EDN3: variants seen among roughly 807,000 people sequenced by gnomAD.
The protein encoded by EDN3 is endothelin-3.
In EDN3, 9 loss-of-function variants were observed where a neutral mutation model predicts 21.4. That is an observed-to-expected ratio of 0.42 (90% CI 0.25 to 0.73). The LOEUF is 0.73. EDN3 is among the 30% of genes least tolerant of loss of function. EDN3 has a pLI of 0.26. For synonymous variants in EDN3, 133 were observed against 126.2 expected (o/e 1.05, Z -0.36); for missense variants, 327 against 309.4 (o/e 1.06, Z -0.43).
At chr20:59,317,725 A>T (rs1990273297) in intron 2 of EDN3, among the ~76,000 whole-genome samples, 1 of 152,150 alleles carries the variant, frequency 6.6e-6, no homozygotes, top group Non-Finnish European at 1.5e-5. Context: ...GATGCTGAAG[A>T]ATGTTGGAGA....
chr20:59,318,305 C>T (rs1990311860), intron 2 of EDN3, among the ~76,000 whole-genome samples: 1 of 152,208 alleles, frequency 6.6e-6, no homozygotes, highest in Non-Finnish European at 1.5e-5. Flanking sequence ...GGTACTGGGC[C>T]TCCACCACAT....
chr20:59,311,253 C>T (rs553906039), intron 2 of EDN3, among the ~76,000 whole-genome samples: 190 of 152,098 alleles, frequency 1.2e-3, no homozygotes, highest in Non-Finnish European at 1.9e-3. Flanking sequence ...AAAGGGGTCC[C>T]GATCCAGACC....
At position 59,301,659 on chromosome 20, in the gene EDN3, C is replaced by T. The variant is rs746771631; in HGVS notation, c.302C>T (p.Thr101Ile). ...HHRSRRCTCF[T>I]YKDKECVYYC... ...CGATCCAGGCGCTGCACGTGCTTCA[C>T]CTACAAGGACAAGGAGTGTGTCTAC... The change falls in exon 2 of 5, where the codon ACC becomes ATC. Residue 101 changes from threonine to isoleucine, a missense_variant. Coordinates refer to ENST00000337938, the MANE Select transcript of EDN3 (RefSeq NM_207034.3). 1 of 1,614,222 alleles carries T rather than the reference C, an allele frequency of 6.2e-7. No homozygotes were observed. The highest frequency in any genetic ancestry group is 1.7e-5 in the Admixed American group (1 of 60,036).
chr20:59,300,767 A>G lies in EDN3; in HGVS notation c.-46A>G, dbSNP rs890875302. The G allele has an allele frequency of 5.0e-6, 8 of 1,590,942 alleles. No individual in the cohort carries two copies. Among genetic ancestry groups the G allele is most frequent in the Admixed American group, 1.7e-5 (1 of 57,788 alleles). On this transcript the variant is annotated 5_prime_UTR_variant, in exon 1 of 5. Transcript: ENST00000337938. ...GCCCCAGTGCCCTTTCGCGGCCACA[A>G]GCGGCCGTCCTCCTGGTCCGGTGCT...
In EDN3 at chr20:59,325,920, G is replaced by A. The variant is rs1452967674; in HGVS notation, c.*1461G>A. 1 of 152,242 alleles carries A rather than the reference G, an allele frequency of 6.6e-6. No individual in the cohort carries two copies. The highest frequency in any genetic ancestry group is 1.5e-5 in the Non-Finnish European group (1 of 68,044). 9.4% of individuals were successfully genotyped at this position (152,242 alleles called of 1,614,324 possible). A position where few individuals can be genotyped will look rare whatever the true frequency, so the allele number is the denominator to read the frequency against. ...CACCGTGGCAAGATGGTATCAGAGA[G>A]AAACCCATCAATTGCTCAAATACTC... is the stretch of plus-strand genomic sequence containing the variant. On this transcript the variant is annotated 3_prime_UTR_variant, in exon 5 of 5. Coordinates refer to ENST00000337938, the MANE Select transcript of EDN3 (RefSeq NM_207034.3).
rs553876011 is a variant in EDN3 at position 59,324,552 on chromosome 20, T to A, written c.*93T>A. On this transcript the variant is annotated 3_prime_UTR_variant, in exon 5 of 5. Coordinates refer to ENST00000337938, the MANE Select transcript of EDN3 (RefSeq NM_207034.3). Reference sequence around the variant, plus strand: ...CACCTCTTTATAGACAAGAAGTGAATTTGCCTGGGGCAGAACACCCACCCA... The same window carrying A: ...CACCTCTTTATAGACAAGAAGTGAAATTGCCTGGGGCAGAACACCCACCCA... The A allele has an allele frequency of 4.3e-5, 68 of 1,583,480 alleles. No individual in the cohort carries two copies. The African/African-American group carries it at 8.5e-4, about 20-fold the overall frequency.
At chr20:59,312,365 A>AT (rs796864504) in intron 2 of EDN3, among the ~76,000 whole-genome samples, 237 of 149,786 alleles carry the variant, frequency 1.6e-3, no homozygotes, top group Middle Eastern at 7.0e-3. Context: ...TGTTTCTCTA[A>AT]TTTTTTTTTT....
At chr20:59,307,012 G>A (rs1328825735) in intron 2 of EDN3, among the ~76,000 whole-genome samples, 1 of 152,234 alleles carries the variant, frequency 6.6e-6, no homozygotes, top group Admixed American at 6.5e-5. Context: ...AGGCATGGTG[G>A]CATGTGCCTG....
rs1600724195 is a variant in EDN3 at position 59,305,227 on chromosome 20, A to C, written c.365+3505A>C. ...ATTAGCCTTTCCTTGGCTGTCCCCC[A>C]CAGTCCCCAAGCCATCCCACCACTG... On this transcript the variant is annotated intron_variant, in intron 2 of 4. Transcript: ENST00000337938. This position sits in a 1 kb window ranked among gnomAD's most constrained non-coding sequence, Gnocchi z 4.2. 6.6e-6 allele frequency among the ~76,000 whole-genome samples: 1 copy of C among 152,200 alleles called. No homozygotes were observed. Among genetic ancestry groups the C allele is most frequent in the Non-Finnish European group, 1.5e-5 (1 of 68,034 alleles).
intron 2 of EDN3, among the ~76,000 whole-genome samples, chr20:59,312,239 G>A (rs549037398): frequency 5.3e-5 from 8 of 152,114 alleles, no homozygotes; most frequent in Non-Finnish European, 1.0e-4. Context: ...ACTGGGGGCT[G>A]GGGAGAGAAA....
rs1018510705 is a variant in EDN3 at position 59,300,783 on chromosome 20, G to C, written c.-30G>C. 1 of 1,603,534 alleles carries C rather than the reference G, an allele frequency of 6.2e-7. No individual in the cohort carries two copies. The highest frequency in any genetic ancestry group is 8.5e-7 in the Non-Finnish European group (1 of 1,176,542). ...GCGGCCACAAGCGGCCGTCCTCCTG[G>C]TCCGGTGCTCCGGCGCCTGATCTAG... On this transcript the variant is annotated 5_prime_UTR_variant, in exon 1 of 5. Transcript: ENST00000337938.
At position 59,300,751 on chromosome 20, in the gene EDN3, C is replaced by T. The variant is rs1364036673; in HGVS notation, c.-62C>T. On this transcript the variant is annotated 5_prime_UTR_variant, in exon 1 of 5. Coordinates refer to ENST00000337938, the MANE Select transcript of EDN3 (RefSeq NM_207034.3). ...AGGCCAGCTGTACCCGGCCCCAGTGCCCTTTCGCGGCCACAAGCGGCCGTC... is the reference window on the plus strand; with the variant it reads ...AGGCCAGCTGTACCCGGCCCCAGTGTCCTTTCGCGGCCACAAGCGGCCGTC... 3.8e-6 allele frequency: 6 copies of T among 1,560,050 alleles called. No individual in the cohort carries two copies. Among genetic ancestry groups the T allele is most frequent in the Non-Finnish European group, 4.3e-6 (5 of 1,149,444 alleles).
At position 59,324,600 on chromosome 20, in the gene EDN3, C is replaced by G. The variant is rs1469810032; in HGVS notation, c.*141C>G. 3.3e-6 allele frequency: 3 copies of G among 900,236 alleles called. No homozygotes were observed. The highest frequency in any genetic ancestry group is 4.7e-6 in the Non-Finnish European group (3 of 639,458). 55.8% of individuals were successfully genotyped at this position (900,236 alleles called of 1,614,324 possible). On this transcript the variant is annotated 3_prime_UTR_variant, in exon 5 of 5. Coordinates refer to ENST00000337938, the MANE Select transcript of EDN3 (RefSeq NM_207034.3). ...CCAAAGAGTCCCCACTTAACAATACCCCCCCCCCACGGCAAGAATGCCCAA... is the reference window on the plus strand; with the variant it reads ...CCAAAGAGTCCCCACTTAACAATACGCCCCCCCCACGGCAAGAATGCCCAA...
chr20:59,316,571 G>C (rs1257619860), intron 2 of EDN3, among the ~76,000 whole-genome samples: 1 of 152,196 alleles, frequency 6.6e-6, no homozygotes, highest in East Asian at 1.9e-4. Context: ...AGGCAACACG[G>C]AACTTAAAAA....
At chr20:59,320,437 C>T (rs965146179) in intron 2 of EDN3, among the ~76,000 whole-genome samples, 5 of 152,254 alleles carry the variant, frequency 3.3e-5, no homozygotes, top group Admixed American at 1.3e-4. Flanking sequence ...CAGACCAGCA[C>T]GTAGGTTGCC....
In EDN3 at chr20:59,305,236, A is replaced by T. The variant is rs1989324871; in HGVS notation, c.365+3514A>T. 6.6e-6 allele frequency among the ~76,000 whole-genome samples: 1 copy of T among 152,220 alleles called. No homozygotes were observed. Among genetic ancestry groups the T allele is most frequent in the Non-Finnish European group, 1.5e-5 (1 of 68,038 alleles). ...TCCTTGGCTGTCCCCCACAGTCCCC[A>T]AGCCATCCCACCACTGCCAACAAAA... On this transcript the variant is annotated intron_variant, in intron 2 of 4. Coordinates refer to ENST00000337938, the MANE Select transcript of EDN3 (RefSeq NM_207034.3). This position sits in a 1 kb window ranked among gnomAD's most constrained non-coding sequence, Gnocchi z 4.2.
chr20:59,306,595 T>TGA (rs1181766828), intron 2 of EDN3, among the ~76,000 whole-genome samples: 4 of 62,452 alleles, frequency 6.4e-5, no homozygotes, highest in African/African-American at 2.5e-4. Flanking sequence ...GCATAAAGAG[T>TGA]AAAAAAAAAA....
chr20:59,323,245 C>T (rs561686303), intron 4 of EDN3, among the ~76,000 whole-genome samples: 11 of 152,184 alleles, frequency 7.2e-5, no homozygotes, highest in South Asian at 4.1e-4. Context: ...GGAGGAGGGC[C>T]GAGGCGGAAG....
intron 1 of EDN3, 22 bp from the exon 2 acceptor site, chr20:59,301,388 C>G: frequency 6.2e-7 from 1 of 1,603,964 alleles, no homozygotes; most frequent in Non-Finnish European, 8.5e-7. Context: ...AGCTTAGGAG[C>G]CCCTCAATCT....
Sources: gnomAD v4.1 joint callset for allele counts (sites outside exome capture counted in the v4.1 genomes callset) on GRCh38, gnomAD v4.1.1 for gene constraint, Gnocchi (gnomAD v3.1) non-coding constraint, MANE v1.5 for transcripts, NCBI Gene and HGNC (gene_info 2026-07-23, HGNC 2026-07-21) for gene names.